Variants in CNNM1 observed in about 807,000 individuals in gnomAD.
CNNM1 encodes metal transporter CNNM1.
CNNM1 carries 44 observed loss-of-function variants against 78.8 expected under a neutral mutation model. That is an observed-to-expected ratio of 0.56 (90% confidence interval 0.44 to 0.72). The LOEUF (loss-of-function observed/expected upper bound fraction) is 0.72, where lower values mean the gene tolerates loss of function less well. Among genes scored for constraint, CNNM1 ranks in the 30% least tolerant of loss-of-function variants. CNNM1 has a pLI of 0.00. For synonymous variants in CNNM1, 584 were observed against 581.5 expected (o/e 1.00, Z -0.06); for missense variants, 1,101 against 1,292.2 (o/e 0.85, Z 2.27).
intron 7 of CNNM1, among the ~76,000 whole-genome samples, chr10:99,378,025 G>T (rs192431683): frequency 5.5e-5 from 8 of 144,588 alleles, no homozygotes; most frequent in Admixed American, 2.8e-4. Context: ...GTGCAGTGGC[G>T]TGATCTCGGC....
Position 99,393,655 on chromosome 10 carries a change from A to T in CNNM1, c.*2139A>T, listed in dbSNP as rs916562582. 1 of 152,252 alleles carries T rather than the reference A, an allele frequency of 6.6e-6. No individual in the cohort carries two copies. The highest frequency in any genetic ancestry group is 6.6e-5 in the Admixed American group (1 of 15,246). The allele number at this position is 152,252 out of a possible 1,614,324, so 9.4% of individuals were successfully genotyped here. A position where few individuals can be genotyped will look rare whatever the true frequency, so the allele number is the denominator to read the frequency against. On this transcript the variant is annotated 3_prime_UTR_variant, in exon 11 of 11. Coordinates refer to ENST00000356713, the MANE Select transcript of CNNM1 (RefSeq NM_020348.3). ...GGTCTTTTCAAATGTCCATCAATTG[A>T]TGGGGAAGGCTGGCACCCACCAAGA...
chr10:99,364,534 T>A lies in CNNM1; in HGVS notation c.2128+18T>A, dbSNP rs1287059900. ...TTGCTCAGGTATTCTAGTTTCCATT[T>A]GTTTATTGGGAAAGTAATGGGATAT... is the stretch of plus-strand genomic sequence containing the variant. On this transcript the variant is annotated intron_variant, in intron 5 of 10. Transcript: ENST00000356713. 6.3e-7 allele frequency: 1 copy of A among 1,587,152 alleles called. No individual in the cohort carries two copies. Among genetic ancestry groups the A allele is most frequent in the Non-Finnish European group, 8.6e-7 (1 of 1,161,948 alleles).
intron 1 of CNNM1, among the ~76,000 whole-genome samples, chr10:99,331,725 G>A (rs575093575): frequency 4.6e-5 from 7 of 152,014 alleles, no homozygotes; most frequent in Middle Eastern, 3.4e-3. Flanking sequence ...GTCTTTGCCC[G>A]GGGGGGAGGG....
chr10:99,359,667 G>A (rs911004666), intron 2 of CNNM1, among the ~76,000 whole-genome samples: 2 of 152,100 alleles, frequency 1.3e-5, no homozygotes, highest in Non-Finnish European at 2.9e-5. Flanking sequence ...AGGAGAGGGG[G>A]CACACCAGGG....
At chr10:99,372,116 T>C (rs1412313836) in intron 6 of CNNM1, among the ~76,000 whole-genome samples, 1 of 152,154 alleles carries the variant, frequency 6.6e-6, no homozygotes, top group Admixed American at 6.5e-5. Flanking sequence ...CCAGAGCTGC[T>C]GTGTATAGAT....
chr10:99,348,594 G>T (rs1193353555), intron 1 of CNNM1, among the ~76,000 whole-genome samples: 1 of 152,280 alleles, frequency 6.6e-6, no homozygotes, highest in Non-Finnish European at 1.5e-5. Context: ...ATGACTCTTG[G>T]GTTATGACTT....
chr10:99,372,188 T>G (rs1033823029), intron 6 of CNNM1, among the ~76,000 whole-genome samples: 4 of 152,134 alleles, frequency 2.6e-5, no homozygotes, highest in Non-Finnish European at 5.9e-5. Flanking sequence ...CCGATTACAG[T>G]GTGAAGTCCT....
At position 99,329,964 on chromosome 10, in the gene CNNM1, G is replaced by GC; in HGVS notation, c.578dup (p.Trp194ValfsTer216). 7.2e-7 allele frequency: 1 copy of GC among 1,385,320 alleles called. No individual in the cohort carries two copies. Among genetic ancestry groups the GC allele is most frequent in the Non-Finnish European group, 9.3e-7 (1 of 1,080,750 alleles). The allele number at this position is 1,385,320 out of a possible 1,614,324, so 85.8% of individuals were successfully genotyped here. On this transcript the variant is annotated frameshift_variant, in exon 1 of 11. Transcript: ENST00000356713. LOFTEE classifies it high-confidence loss of function. ...TTCACTCTGCGCCTGGGATGGGCGC[G>GC]CGTGGCACCACCACGGCGCCGCCGG...
At position 99,330,662 on chromosome 10, in the gene CNNM1, C is replaced by T; in HGVS notation, c.1275C>T (p.Arg425=). ...LNIIQGALEL[R]TKVVEEVLTP... ...TCATACAGGGTGCCCTGGAGCTGCG[C>T]ACCAAAGTTGTGGAGGAGGTGCTGA... The change falls in exon 1 of 11, where the codon CGC becomes CGT. Residue 425 remains arginine (R), a synonymous_variant. Coordinates refer to ENST00000356713, the MANE Select transcript of CNNM1 (RefSeq NM_020348.3). 1 of 1,613,980 alleles carries T rather than the reference C, an allele frequency of 6.2e-7. No individual in the cohort carries two copies. The highest frequency in any genetic ancestry group is 1.1e-5 in the South Asian group (1 of 91,082).
At chr10:99,367,057 CG>C (rs1268483119) in intron 6 of CNNM1, among the ~76,000 whole-genome samples, 1 of 152,092 alleles carries the variant, frequency 6.6e-6, no homozygotes, top group Non-Finnish European at 1.5e-5. Context: ...CCATCCTCCC[CG>C]AACCCATACT....
intron 9 of CNNM1, among the ~76,000 whole-genome samples, chr10:99,389,416 C>CA (rs56180037): frequency 0.1 from 8,623 of 83,492 alleles, 351 homozygotes; most frequent in Admixed American, 0.18. Context: ...GATTCCATCT[C>CA]AAAAAAAAAA....
chr10:99,329,728 G>T lies in CNNM1; in HGVS notation c.341G>T (p.Gly114Val). 6.6e-7 allele frequency: 1 copy of T among 1,516,322 alleles called. No individual in the cohort carries two copies. Among genetic ancestry groups the T allele is most frequent in the South Asian group, 1.2e-5 (1 of 81,054 alleles). The allele number at this position is 1,516,322 out of a possible 1,614,324, so 93.9% of individuals were successfully genotyped here. A position where few individuals can be genotyped will look rare whatever the true frequency, so the allele number is the denominator to read the frequency against. Residue 114 changes from glycine to valine, a missense_variant, in exon 1 of 11, where the codon GGC becomes GTC. This residue lies in a region of CNNM1 where 476 missense variants were observed against 484.5 expected (regional missense o/e 0.98). Transcript: ENST00000356713. ...CTCGTGTTCATCGAGGAGCCCCCGG[G>T]CGGTGGCGGCGTGGCCCCCAGCGCG... ...PRLVFIEEPP[G>V]GGGVAPSAVP... is the part of the protein sequence containing the mutation.
At chr10:99,348,034 G>C (rs1360430184) in intron 1 of CNNM1, among the ~76,000 whole-genome samples, 1 of 60,012 alleles carries the variant, frequency 1.7e-5, no homozygotes, top group Non-Finnish European at 3.3e-5. Context: ...GTGTGTGTGT[G>C]TGTGTATATA....
chr10:99,378,121 G>A (rs555709167), intron 7 of CNNM1, among the ~76,000 whole-genome samples: 133 of 152,090 alleles, frequency 8.7e-4, no homozygotes, highest in African/African-American at 3.0e-3. Context: ...GTGCCACCAC[G>A]TCCAGCTAAC....
chr10:99,336,004 GT>G (rs1372318593), intron 1 of CNNM1, among the ~76,000 whole-genome samples: 1 of 152,204 alleles, frequency 6.6e-6, no homozygotes, highest in Non-Finnish European at 1.5e-5. Context: ...CTCTCTGGGT[GT>G]CGTTAGGGCT....
At chr10:99,376,832 T>A (rs1022450003) in intron 6 of CNNM1, among the ~76,000 whole-genome samples, 7 of 152,050 alleles carry the variant, frequency 4.6e-5, no homozygotes, top group Non-Finnish European at 8.8e-5. Flanking sequence ...AGGTATTTGT[T>A]CCTCTTAGGA....
intron 7 of CNNM1, among the ~76,000 whole-genome samples, chr10:99,380,235 G>C (rs1258191305): frequency 6.6e-6 from 1 of 152,050 alleles, no homozygotes; most frequent in African/African-American, 2.4e-5. Flanking sequence ...ATTGGGGTTA[G>C]GATTTCAACA....
chr10:99,343,579 C>G (rs1169907989), intron 1 of CNNM1, among the ~76,000 whole-genome samples: 2 of 152,178 alleles, frequency 1.3e-5, no homozygotes, highest in Non-Finnish European at 2.9e-5. Flanking sequence ...GACTTGCCAC[C>G]TCAGACCATG....
chr10:99,391,295 T>G lies in CNNM1; in HGVS notation c.2777-142T>G. On this transcript the variant is annotated intron_variant, in intron 10 of 10. Coordinates refer to ENST00000356713, the MANE Select transcript of CNNM1 (RefSeq NM_020348.3). Reference sequence around the variant, plus strand: ...AAATATGCCAATATCAGCACCAGCATACAATGCCGGTTAGTTCTAACCAAG... The same window carrying G: ...AAATATGCCAATATCAGCACCAGCAGACAATGCCGGTTAGTTCTAACCAAG... 4.7e-6 allele frequency: 3 copies of G among 631,718 alleles called. No individual in the cohort carries two copies. In the South Asian group the frequency reaches 5.9e-5, roughly 12 times the overall value. 39.1% of individuals were successfully genotyped at this position (631,718 alleles called of 1,614,324 possible).
Sources: gnomAD v4.1 joint callset for allele counts (sites outside exome capture counted in the v4.1 genomes callset) on GRCh38, gnomAD v4.1.1 for gene constraint, gnomAD v4.1.1 regional missense constraint, MANE v1.5 for transcripts, NCBI Gene and HGNC (gene_info 2026-07-23, HGNC 2026-07-21) for gene names.